Variants in EIF4EBP1 observed in about 807,000 individuals in gnomAD.
EIF4EBP1 encodes the protein eukaryotic translation initiation factor 4E binding protein 1.
A neutral mutation model predicts 9.2 loss-of-function variants in EIF4EBP1; 5 were observed. The ratio of observed to expected loss-of-function variants is 0.54; its 90% confidence interval spans 0.28 to 1.14. The LOEUF (loss-of-function observed/expected upper bound fraction) is 1.14. Ranked by LOEUF, EIF4EBP1 falls within the 50% of genes most tolerant of loss-of-function variation. The probability of loss-of-function intolerance (pLI) is 0.09; values close to 1 mark genes in which losing one functional copy is unlikely to be tolerated. For synonymous variants in EIF4EBP1, 62 were observed against 67.0 expected, an observed-to-expected ratio of 0.93 and a Z score of 0.36; for missense variants, 139 against 169.6, an observed-to-expected ratio of 0.82 and a Z score of 1.00.
chr8:38,036,421 G>A (rs916593255), intron 1 of EIF4EBP1, among the ~76,000 whole-genome samples: 10 of 152,102 alleles, frequency 6.6e-5, no homozygotes, highest in Non-Finnish European at 1.3e-4. Flanking sequence ...GCTGAGGCAC[G>A]AGACTCACTC....
intron 1 of EIF4EBP1, among the ~76,000 whole-genome samples, chr8:38,035,102 AAT>A (rs1441956826): frequency 6.6e-6 from 1 of 152,152 alleles, no homozygotes; most frequent in Non-Finnish European, 1.5e-5. Context: ...AAATTAAATA[AAT>A]AAAATTTTTT....
chr8:38,037,355 C>T (rs545116853), intron 1 of EIF4EBP1, among the ~76,000 whole-genome samples: 2 of 152,030 alleles, frequency 1.3e-5, no homozygotes, highest in East Asian at 1.9e-4. Flanking sequence ...CTTGCTCTGT[C>T]GCCCAGGCTG....
At chr8:38,035,897 T>C (rs965268317) in intron 1 of EIF4EBP1, among the ~76,000 whole-genome samples, 8 of 150,336 alleles carry the variant, frequency 5.3e-5, no homozygotes, top group African/African-American at 2.0e-4. Flanking sequence ...TTAGTAGAGA[T>C]GGGGTTTCAC....
At chr8:38,031,700 G>C (rs1809223702) in intron 1 of EIF4EBP1, among the ~76,000 whole-genome samples, 1 of 152,180 alleles carries the variant, frequency 6.6e-6, no homozygotes, top group South Asian at 2.1e-4. Flanking sequence ...TCAGGCAGCT[G>C]TCCCACCAGC....
chr8:38,054,845 G>A (rs1563235990), intron 1 of EIF4EBP1, among the ~76,000 whole-genome samples: 1 of 152,196 alleles, frequency 6.6e-6, no homozygotes, highest in East Asian at 1.9e-4. Context: ...CTCAGACCTA[G>A]AAGGTGCATG....
intron 1 of EIF4EBP1, among the ~76,000 whole-genome samples, chr8:38,056,061 G>T (rs370613670): frequency 1.3e-5 from 2 of 152,090 alleles, no homozygotes; most frequent in East Asian, 3.9e-4. Context: ...TTGAGATAGG[G>T]TCTCACTGCA....
Position 38,038,914 on chromosome 8 carries a change from C to CT in EIF4EBP1, c.145+8212dup, listed in dbSNP as rs1225729715. On this transcript the variant is annotated intron_variant, in intron 1 of 2. Transcript: ENST00000338825. ...CCTTAAAACATTATGAAATTTCTTT[C>CT]TTTTTTTTTTTTTTTTAAGCTCAGC... is the stretch of plus-strand genomic sequence containing the variant. 9.0e-3 allele frequency among the ~76,000 whole-genome samples: 1,241 copies of CT among 138,290 alleles called. 4 individuals carry two copies. The highest frequency in any genetic ancestry group is 0.014 in the Non-Finnish European group (883 of 63,198). The allele number at this position is 138,290 out of a possible 152,430, so 90.7% of individuals were successfully genotyped here.
intron 1 of EIF4EBP1, among the ~76,000 whole-genome samples, chr8:38,038,926 T>A (rs897225927): frequency 2.0e-5 from 3 of 151,418 alleles, no homozygotes; most frequent in Non-Finnish European, 4.4e-5. Flanking sequence ...TTTTTTTTTT[T>A]TTTTAAGCTC....
chr8:38,058,641 T>C (rs898623373), intron 2 of EIF4EBP1, among the ~76,000 whole-genome samples: 1 of 152,190 alleles, frequency 6.6e-6, no homozygotes, highest in South Asian at 2.1e-4. Flanking sequence ...CAGTCCTAGC[T>C]CAAAAGTTCA....
rs575934557 is a variant in EIF4EBP1 at position 38,041,248 on chromosome 8, C to T, written c.145+10530C>T. ...TCCCAAGTAGCTGGGATTACAGGCA[C>T]CTGCCACCACGCCCGGCTAATTTTT... On this transcript the variant is annotated intron_variant, in intron 1 of 2. Transcript: ENST00000338825. Among the ~76,000 whole-genome samples, 6 of 152,164 alleles carry T rather than the reference C, an allele frequency of 3.9e-5. 1 individual carries two copies. The South Asian group carries it at 1.2e-3, about 32-fold the overall frequency.
At chr8:38,053,410 T>G (rs940909859) in intron 1 of EIF4EBP1, among the ~76,000 whole-genome samples, 3 of 151,870 alleles carry the variant, frequency 2.0e-5, no homozygotes, top group African/African-American at 7.2e-5. Flanking sequence ...TGGAGCGCAG[T>G]GGCGCCATCT....
chr8:38,053,588 G>T (rs192015894), intron 1 of EIF4EBP1, among the ~76,000 whole-genome samples: 19 of 152,316 alleles, frequency 1.2e-4, no homozygotes, highest in Admixed American at 1.0e-3. Flanking sequence ...TCTTCAAGAA[G>T]TATTTGTATT....
At chr8:38,052,484 T>C (rs1009472533) in intron 1 of EIF4EBP1, among the ~76,000 whole-genome samples, 11 of 151,334 alleles carry the variant, frequency 7.3e-5, no homozygotes, top group African/African-American at 2.7e-4. Context: ...ATCCCAGCAC[T>C]TTGGGAGGCC....
At chr8:38,050,270 T>G (rs918732777) in intron 1 of EIF4EBP1, among the ~76,000 whole-genome samples, 2 of 152,202 alleles carry the variant, frequency 1.3e-5, no homozygotes, top group African/African-American at 4.8e-5. Context: ...TCCTGTTGAT[T>G]TGCTTAGATC....
In EIF4EBP1 at chr8:38,059,892, C is replaced by G. The variant is rs992915553; in HGVS notation, c.326-12C>G. 6.2e-7 allele frequency: 1 copy of G among 1,612,176 alleles called. No homozygotes were observed. Among genetic ancestry groups the G allele is most frequent in the Admixed American group, 1.7e-5 (1 of 60,026 alleles). ...CATTGTTGACCTGGCCCTCTGTCCCCTCTCTCCCCAGGTGAAGAGTCACAG... is the reference window on the plus strand; with the variant it reads ...CATTGTTGACCTGGCCCTCTGTCCCGTCTCTCCCCAGGTGAAGAGTCACAG... On this transcript the variant is annotated splice_polypyrimidine_tract_variant and intron_variant, in intron 2 of 2. Coordinates refer to ENST00000338825, the MANE Select transcript of EIF4EBP1 (RefSeq NM_004095.4).
At chr8:38,057,713 G>A (rs1249050237) in intron 2 of EIF4EBP1, among the ~76,000 whole-genome samples, 3 of 152,188 alleles carry the variant, frequency 2.0e-5, no homozygotes, top group African/African-American at 7.2e-5. Flanking sequence ...CATCCGGGAT[G>A]CCTCCTGTTG....
chr8:38,056,135 G>A (rs1809592072), intron 1 of EIF4EBP1, among the ~76,000 whole-genome samples: 1 of 151,990 alleles, frequency 6.6e-6, no homozygotes, highest in Non-Finnish European at 1.5e-5. Flanking sequence ...GGGACTACAG[G>A]CACGTACCCA....
chr8:38,043,925 GAC>G (rs1001084168), intron 1 of EIF4EBP1, among the ~76,000 whole-genome samples: 5 of 152,108 alleles, frequency 3.3e-5, no homozygotes, highest in African/African-American at 1.2e-4. Context: ...AAGCCACCCA[GAC>G]ACATGTGATT....
At position 38,050,344 on chromosome 8, in the gene EIF4EBP1, A is replaced by T. The variant is rs566676740; in HGVS notation, c.146-6737A>T. 9.3e-4 allele frequency among the ~76,000 whole-genome samples: 141 copies of T among 152,114 alleles called. 1 individual carries two copies. The highest frequency in any genetic ancestry group is 2.9e-3 in the African/African-American group (121 of 41,500). On this transcript the variant is annotated intron_variant, in intron 1 of 2. Coordinates refer to ENST00000338825, the MANE Select transcript of EIF4EBP1 (RefSeq NM_004095.4). ...GGAACATTTGACTGGTTGGTTTTTTAAATTTTTTAAAATTTAGTTTTTGAC... is the reference window on the plus strand; with the variant it reads ...GGAACATTTGACTGGTTGGTTTTTTTAATTTTTTAAAATTTAGTTTTTGAC...
Sources: allele counts gnomAD v4.1 joint callset (sites outside exome capture counted in the v4.1 genomes callset), GRCh38; gene constraint gnomAD v4.1.1; transcripts MANE v1.5; gene names NCBI Gene and HGNC (gene_info 2026-07-23, HGNC 2026-07-21).